The following ZNF280D variants were observed in gnomAD, a reference collection of about 807,000 sequenced individuals.
ZNF280D encodes the protein zinc finger protein 280D.
In ZNF280D, 39 loss-of-function variants were observed where a neutral mutation model predicts 94.7. The observed-to-expected ratio is 0.41, with a 90% CI of 0.32 to 0.54. The LOEUF is 0.54. Ranked by LOEUF, ZNF280D falls within the 20% of genes least tolerant of loss-of-function variation. The probability of loss-of-function intolerance (pLI) is 0.22; values close to 1 mark genes in which losing one functional copy is unlikely to be tolerated. For synonymous variants in ZNF280D, 398 were observed against 377.6 expected, an observed-to-expected ratio of 1.05 and a Z score of -0.63; for missense variants, 1,090 against 1,149.3, an observed-to-expected ratio of 0.95 and a Z score of 0.75.
At chr15:56,667,200 A>G (rs1394993821) in intron 14 of ZNF280D, among the ~76,000 whole-genome samples, 1 of 152,194 alleles carries the variant, frequency 6.6e-6, no homozygotes, top group East Asian at 1.9e-4. Flanking sequence ...TATTGATATC[A>G]GTTATATGTT....
At chr15:56,670,009 A>ATAT (rs56365440) in intron 13 of ZNF280D, among the ~76,000 whole-genome samples, 1 of 2,978 alleles carries the variant, frequency 3.4e-4, no homozygotes, top group African/African-American at 1.9e-3. Context: ...ATATATATAT[A>ATAT]ATATATATAT....
chr15:56,713,906 T>C (rs888071738), intron 1 of ZNF280D, among the ~76,000 whole-genome samples: 1 of 152,094 alleles, frequency 6.6e-6, no homozygotes, highest in African/African-American at 2.4e-5. Context: ...TTTGGCACTA[T>C]AAGACAAATC....
At chr15:56,710,761 C>T (rs1194389993) in intron 1 of ZNF280D, among the ~76,000 whole-genome samples, 3 of 151,992 alleles carry the variant, frequency 2.0e-5, no homozygotes, top group African/African-American at 7.3e-5. Context: ...TGTACTGCTG[C>T]CGTGTTAAAT....
At position 56,630,209 on chromosome 15, in the gene ZNF280D, A is replaced by T. The variant is rs2052025550; in HGVS notation, c.*1289T>A. ...GGGCAGATTTTTATTGCAAATATTT[A>T]CTCAAAAACTACTATATACAGCAGA... On this transcript the variant is annotated 3_prime_UTR_variant, in exon 22 of 22. Coordinates refer to ENST00000267807, the MANE Select transcript of ZNF280D (RefSeq NM_017661.4). The T allele has an allele frequency of 6.6e-6, 1 of 152,162 alleles. No individual in the cohort carries two copies. The highest frequency in any genetic ancestry group is 2.1e-4 in the South Asian group (1 of 4,832). The allele number at this position is 152,162 out of a possible 1,614,324, so 9.4% of individuals were successfully genotyped here.
chr15:56,633,109 T>A (rs1266329892), intron 21 of ZNF280D, among the ~76,000 whole-genome samples: 1 of 152,182 alleles, frequency 6.6e-6, no homozygotes, highest in Admixed American at 6.5e-5. Flanking sequence ...GGATGCTTAT[T>A]TTATGAAAAT....
chr15:56,695,379 C>T (rs541625700), intron 6 of ZNF280D, among the ~76,000 whole-genome samples: 12 of 151,888 alleles, frequency 7.9e-5, no homozygotes, highest in Middle Eastern at 3.4e-3. Context: ...AGCCGGTTCA[C>T]CCCCTTTTAT....
chr15:56,724,088 T>C (rs1459565678), intron 1 of ZNF280D, among the ~76,000 whole-genome samples: 1 of 152,152 alleles, frequency 6.6e-6, no homozygotes. Flanking sequence ...CACATATCAC[T>C]AGCCCGGAAA....
intron 19 of ZNF280D, chr15:56,653,569 A>AT: frequency 6.6e-7 from 1 of 1,510,736 alleles, no homozygotes; most frequent in African/African-American, 1.4e-5. Context: ...TACCCTGGAT[A>AT]TTTTTTGAAA....
chr15:56,679,321 C>T (rs755836372), intron 10 of ZNF280D, among the ~76,000 whole-genome samples: 6 of 152,100 alleles, frequency 3.9e-5, no homozygotes, highest in Non-Finnish European at 2.9e-5. Context: ...CAATAGATTC[C>T]AGCTACTTAA....
At position 56,639,953 on chromosome 15, in the gene ZNF280D, C is replaced by T. The variant is rs550682892; in HGVS notation, c.2259+2999G>A. Among the ~76,000 whole-genome samples, 8 of 152,162 alleles carry T rather than the reference C, an allele frequency of 5.3e-5. No homozygotes were observed. The South Asian group carries it at 1.0e-3, about 20-fold the overall frequency. On this transcript the variant is annotated intron_variant, in intron 20 of 21. Transcript: ENST00000267807. ...GGGAGGAGATCTTCAGACCCCTTCACTCCCCAGCGATTTTTTTTTTATGTG... is the reference window on the plus strand; with the variant it reads ...GGGAGGAGATCTTCAGACCCCTTCATTCCCCAGCGATTTTTTTTTTATGTG...
At chr15:56,722,355 C>T (rs1413158358) in intron 1 of ZNF280D, among the ~76,000 whole-genome samples, 4 of 152,222 alleles carry the variant, frequency 2.6e-5, no homozygotes, top group African/African-American at 7.2e-5. Context: ...AAAGTTGCCA[C>T]AAACCTTCAA....
Position 56,644,680 on chromosome 15 carries a change from T to A in ZNF280D, c.2214-1683A>T, listed in dbSNP as rs145962959. On this transcript the variant is annotated intron_variant, in intron 19 of 21. Coordinates refer to ENST00000267807, the MANE Select transcript of ZNF280D (RefSeq NM_017661.4). ...GCTAATCATTTTAGCATATGCCTATTATAATAAATTAATTGTATGCAGCTA... is the reference window on the plus strand; with the variant it reads ...GCTAATCATTTTAGCATATGCCTATAATAATAAATTAATTGTATGCAGCTA... Among the ~76,000 whole-genome samples, 814 of 152,266 alleles carry A rather than the reference T, an allele frequency of 5.3e-3. 8 individuals are homozygous for A. Among genetic ancestry groups the A allele is most frequent in the African/African-American group, 0.019 (780 of 41,562 alleles).
intron 9 of ZNF280D, chr15:56,688,801 TTTTA>T (rs1206727646): frequency 8.5e-6 from 2 of 236,580 alleles, no homozygotes; most frequent in East Asian, 8.6e-5. Flanking sequence ...AATACATTAT[TTTTA>T]TTTAAAATTA....
Position 56,631,636 on chromosome 15 carries a change from A to G in ZNF280D, c.2802T>C (p.Ile934=). 1 of 1,614,146 alleles carries G rather than the reference A, an allele frequency of 6.2e-7. No individual in the cohort carries two copies. Among genetic ancestry groups the G allele is most frequent in the African/African-American group, 1.3e-5 (1 of 75,038 alleles). ...SEVLEYEATE[I]LQKGSGDPSA... ...AAGGATCACCACTACCTTTCTGAAG[A>G]ATCTCTGTGGCTTCATACTCAAGTA... The change falls in exon 22 of 22, where the codon ATT becomes ATC. Residue 934 remains isoleucine, a synonymous_variant. Transcript: ENST00000267807.
intron 1 of ZNF280D, among the ~76,000 whole-genome samples, chr15:56,711,606 G>C (rs568932836): frequency 3.9e-4 from 59 of 152,268 alleles, no homozygotes; most frequent in South Asian, 1.2e-3. Context: ...GGTTGCAGTA[G>C]TGAGCTGAGA....
chr15:56,722,946 G>T (rs1449035262), intron 1 of ZNF280D, among the ~76,000 whole-genome samples: 3 of 151,746 alleles, frequency 2.0e-5, no homozygotes, highest in Non-Finnish European at 4.4e-5. Flanking sequence ...GATGAAATTG[G>T]AAACCATCAT....
At chr15:56,658,683 A>T (rs987010979) in intron 16 of ZNF280D, among the ~76,000 whole-genome samples, 197 bp from the exon 17 acceptor site, 2 of 152,146 alleles carry the variant, frequency 1.3e-5, no homozygotes, top group Non-Finnish European at 2.9e-5. Flanking sequence ...TTCTAATGAC[A>T]CTATTTTCCT....
chr15:56,669,927 ATATATATATT>A (rs2054649859), intron 13 of ZNF280D, among the ~76,000 whole-genome samples: 2 of 8,448 alleles, frequency 2.4e-4, no homozygotes, highest in African/African-American at 4.3e-4. Flanking sequence ...TATATATATT[ATATATATATT>A]ATATATATAT....
chr15:56,654,382 T>C lies in ZNF280D; in HGVS notation c.2176+3A>G, dbSNP rs1387650503. 1 of 1,604,422 alleles carries C rather than the reference T, an allele frequency of 6.2e-7. No homozygotes were observed. The highest frequency in any genetic ancestry group is 1.7e-5 in the Admixed American group (1 of 57,304). ...CTAAAGTAGCACAGTTACATATACG[T>C]ACCTTTCTGCATTACAACTTGGCAA... On this transcript the variant is annotated splice_donor_region_variant and intron_variant, in intron 18 of 21. Transcript: ENST00000267807.
Sources: allele counts gnomAD v4.1 joint callset (sites outside exome capture counted in the v4.1 genomes callset), GRCh38; gene constraint gnomAD v4.1.1; transcripts MANE v1.5; gene names NCBI Gene and HGNC (gene_info 2026-07-23, HGNC 2026-07-21).